CAMSAP1: variants seen among roughly 807,000 people sequenced by gnomAD.
CAMSAP1 encodes the protein calmodulin-regulated spectrin-associated protein 1.
Under a neutral mutation model 143.5 loss-of-function variants are expected in CAMSAP1, and 58 were observed. That is an observed-to-expected ratio of 0.40 (90% confidence interval 0.33 to 0.50). The LOEUF is 0.50. Among genes scored for constraint, CAMSAP1 ranks in the 20% least tolerant of loss-of-function variants. The pLI is 0.45. For missense variants in CAMSAP1, 1,969 were observed against 2,115.7 expected, an observed-to-expected ratio of 0.93 and a Z score of 1.36; for synonymous variants, 945 against 859.3, an observed-to-expected ratio of 1.10 and a Z score of -1.74.
chr9:135,819,672 T>TAAA (rs55894826), intron 11 of CAMSAP1, among the ~76,000 whole-genome samples: 184 of 104,618 alleles, frequency 1.8e-3, no homozygotes, highest in African/African-American at 5.7e-3. Context: ...TGTCTCCACT[T>TAAA]AAAAAAAAAA....
intron 7 of CAMSAP1, among the ~76,000 whole-genome samples, chr9:135,844,808 G>A (rs1305782670): frequency 6.6e-6 from 1 of 152,044 alleles, no homozygotes; most frequent in Non-Finnish European, 1.5e-5. Flanking sequence ...ACCCTCCCAA[G>A]ACTAAACCAG....
intron 1 of CAMSAP1, among the ~76,000 whole-genome samples, chr9:135,890,508 G>A (rs997493977): frequency 1.3e-5 from 2 of 152,082 alleles, no homozygotes; most frequent in African/African-American, 2.4e-5. Flanking sequence ...TTCTGGCACC[G>A]CACCTTTCTA....
intron 3 of CAMSAP1, among the ~76,000 whole-genome samples, chr9:135,880,432 C>T (rs965878431): frequency 2.0e-5 from 3 of 152,094 alleles, no homozygotes; most frequent in Non-Finnish European, 4.4e-5. Flanking sequence ...TCCTAGAAAA[C>T]CCTGTGGCTT....
intron 1 of CAMSAP1, among the ~76,000 whole-genome samples, chr9:135,905,339 C>T (rs1407957228): frequency 6.6e-6 from 1 of 152,226 alleles, no homozygotes; most frequent in African/African-American, 2.4e-5. Context: ...AATGCATGCA[C>T]CTTGCTAAAG....
At chr9:135,819,624 A>C (rs558474100) in intron 11 of CAMSAP1, among the ~76,000 whole-genome samples, 1 of 150,220 alleles carries the variant, frequency 6.7e-6, no homozygotes. Context: ...ACCTGAGGTC[A>C]GGAGTTCAAG....
intron 1 of CAMSAP1, among the ~76,000 whole-genome samples, chr9:135,906,798 C>T (rs1336822334): frequency 3.9e-5 from 6 of 151,968 alleles, no homozygotes; most frequent in Non-Finnish European, 8.8e-5. Context: ...CAGGGACGCC[C>T]ACTCGCCAGG....
chr9:135,861,338 A>G (rs1396483433), intron 5 of CAMSAP1, among the ~76,000 whole-genome samples: 2 of 145,510 alleles, frequency 1.4e-5, no homozygotes, highest in East Asian at 4.0e-4. Flanking sequence ...CCCGAGACAG[A>G]GTCTCGCTCT....
Position 135,808,815 on chromosome 9 carries a change from C to A in CAMSAP1, c.*2494G>T, listed in dbSNP as rs958310035. On this transcript the variant is annotated 3_prime_UTR_variant, in exon 17 of 17. Coordinates refer to ENST00000389532, the MANE Select transcript of CAMSAP1 (RefSeq NM_015447.4). ...ACGCAAGTTTCATTTCTCTTTCAAC[C>A]CTTCTGGGCTCCCAGAATTCTAGCA... 6.6e-6 allele frequency: 1 copy of A among 152,352 alleles called. No homozygotes were observed. The highest frequency in any genetic ancestry group is 2.1e-4 in the South Asian group (1 of 4,830). 9.4% of individuals were successfully genotyped at this position (152,352 alleles called of 1,614,324 possible).
chr9:135,907,144 CG>C lies in CAMSAP1; in HGVS notation c.15del (p.Ser5ArgfsTer92). 9.0e-7 allele frequency: 1 copy of C among 1,110,622 alleles called. No homozygotes were observed. The highest frequency in any genetic ancestry group is 1.7e-5 in the African/African-American group (1 of 59,738). The allele number at this position is 1,110,622 out of a possible 1,614,324, so 68.8% of individuals were successfully genotyped here. A position where few individuals can be genotyped will look rare whatever the true frequency, so the allele number is the denominator to read the frequency against. On this transcript the variant is annotated frameshift_variant, in exon 1 of 17. Coordinates refer to ENST00000389532, the MANE Select transcript of CAMSAP1 (RefSeq NM_015447.4). LOFTEE classifies it high-confidence loss of function. Reference protein sequence around the residue: MVDASGRAAAEGWRK... With the variant: MVDAXGRAAAEGWRK... ...CTCCAGCCCTCGGCGGCGGCGCGGCCGCTCGCGTCCACCATCTGCAGACAAA... is the reference window on the plus strand; with the variant it reads ...CTCCAGCCCTCGGCGGCGGCGCGGCCCTCGCGTCCACCATCTGCAGACAAA...
chr9:135,868,298 A>T (rs1837453106), intron 3 of CAMSAP1, among the ~76,000 whole-genome samples: 1 of 152,202 alleles, frequency 6.6e-6, no homozygotes, highest in Non-Finnish European at 1.5e-5. Flanking sequence ...CAGCAGGCAC[A>T]AAGCACCTCT....
Position 135,815,986 on chromosome 9 carries a change from G to A in CAMSAP1, c.4291C>T (p.Leu1431=). 6.2e-7 allele frequency: 1 copy of A among 1,613,710 alleles called. No homozygotes were observed. The highest frequency in any genetic ancestry group is 8.5e-7 in the Non-Finnish European group (1 of 1,179,890). The change falls in exon 15 of 17, where the codon CTG becomes TTG. Residue 1431 remains leucine, a synonymous_variant. Coordinates refer to ENST00000389532, the MANE Select transcript of CAMSAP1 (RefSeq NM_015447.4). ...CTTGGGTTACGGCTCAGTATGGGCA[G>A]GGCTTCCATCGATTCCACTCTGCAG... ...PSQRVESMEA[L]PILSRNPSRS...
At chr9:135,837,010 CTA>C (rs2131700734) in intron 7 of CAMSAP1, 1 of 915,898 alleles carries the variant, frequency 1.1e-6, no homozygotes, top group South Asian at 5.1e-5. Flanking sequence ...TCTACCTGTT[CTA>C]GAGACACACG....
Position 135,822,906 on chromosome 9 carries a change from AC to A in CAMSAP1, c.1754del (p.Ser585IlefsTer11). 2 of 1,613,964 alleles carry A rather than the reference AC, an allele frequency of 1.2e-6. No individual in the cohort carries two copies. Among genetic ancestry groups the A allele is most frequent in the Non-Finnish European group, 1.7e-6 (2 of 1,179,884 alleles). Reference sequence around the variant, plus strand: ...GCTCCAAGAAAAAACTGTCAGGCTTACTTTCCGAGGTGTCCAGCTGTCCTTG... The same window carrying A: ...GCTCCAAGAAAAAACTGTCAGGCTTATTTCCGAGGTGTCCAGCTGTCCTTG... ...SPQGQLDTSESKPDSFFLEPL... is the reference protein window; with the variant it reads ...SPQGQLDTSEXKPDSFFLEPL... On this transcript the variant is annotated frameshift_variant, in exon 11 of 17. Coordinates refer to ENST00000389532, the MANE Select transcript of CAMSAP1 (RefSeq NM_015447.4). LOFTEE classifies it high-confidence loss of function. The surrounding 1 kb of genome is among the most constrained non-coding windows in gnomAD (Gnocchi z 6.1).
chr9:135,860,576 T>G (rs1480208319), intron 5 of CAMSAP1, among the ~76,000 whole-genome samples: 2 of 121,110 alleles, frequency 1.7e-5, no homozygotes, highest in Non-Finnish European at 3.2e-5. Flanking sequence ...CCAGCCTGGG[T>G]GACAGAGCAA....
Position 135,888,614 on chromosome 9 carries a change from C to T in CAMSAP1, c.161-5536G>A, listed in dbSNP as rs945527305. Among the ~76,000 whole-genome samples the T allele has an allele frequency of 3.3e-5, 5 of 152,292 alleles. No individual in the cohort carries two copies. In the South Asian group the frequency reaches 6.2e-4, roughly 19 times the overall value. Reference sequence around the variant, plus strand: ...AGCTCTCCCAGAATGTCCCCGTGGGCGGCCTGGCTATCTGCATTTGACACT... The same window carrying T: ...AGCTCTCCCAGAATGTCCCCGTGGGTGGCCTGGCTATCTGCATTTGACACT... On this transcript the variant is annotated intron_variant, in intron 1 of 16. Transcript: ENST00000389532.
intron 7 of CAMSAP1, among the ~76,000 whole-genome samples, chr9:135,840,421 A>C (rs1020128858): frequency 6.6e-6 from 1 of 152,180 alleles, no homozygotes; most frequent in Admixed American, 6.5e-5. Flanking sequence ...CGCAAGAAGA[A>C]GGGGGCTCCA....
chr9:135,877,496 T>TAAAA (rs59498050), intron 3 of CAMSAP1, among the ~76,000 whole-genome samples: 1 of 128,812 alleles, frequency 7.8e-6, no homozygotes, highest in Non-Finnish European at 1.7e-5. Context: ...AGAGCTGTCT[T>TAAAA]AAAAAAAAAA....
intron 1 of CAMSAP1, 145 bp from the exon 2 acceptor site, chr9:135,883,223 G>T (rs554027097): frequency 7.0e-5 from 60 of 852,432 alleles, no homozygotes; most frequent in Non-Finnish European, 1.0e-4. Context: ...ATAATTGATT[G>T]ATTGATTAAA....
At chr9:135,863,805 C>T (rs1374066899) in intron 4 of CAMSAP1, among the ~76,000 whole-genome samples, 7 of 152,158 alleles carry the variant, frequency 4.6e-5, no homozygotes, top group South Asian at 2.1e-4. Flanking sequence ...GCAAACTCCA[C>T]GGGTTCCAGC....
Sources: gnomAD v4.1 joint callset for allele counts (sites outside exome capture counted in the v4.1 genomes callset) on GRCh38, gnomAD v4.1.1 for gene constraint, Gnocchi (gnomAD v3.1) non-coding constraint, MANE v1.5 for transcripts, NCBI Gene and HGNC (gene_info 2026-07-23, HGNC 2026-07-21) for gene names.